The following MROH9 variants were observed in gnomAD, a reference collection of about 807,000 sequenced individuals.
The protein encoded by MROH9 is maestro heat like repeat family member 9.
MROH9 carries 92 observed loss-of-function variants against 98.2 expected under a neutral mutation model. The ratio of observed to expected loss-of-function variants is 0.94; its 90% confidence interval spans 0.79 to 1.11. The LOEUF (loss-of-function observed/expected upper bound fraction) is 1.11, where lower values mean the gene tolerates loss of function less well. Ranked by LOEUF, MROH9 falls within the 50% of genes most tolerant of loss-of-function variation. MROH9 has a pLI of 0.00. For synonymous variants in MROH9, 397 were observed against 368.9 expected (o/e 1.08, Z -0.87); for missense variants, 1,057 against 1,014.8 (o/e 1.04, Z -0.57).
At chr1:171,062,356 G>A (rs1025684402) in intron 21 of MROH9, among the ~76,000 whole-genome samples, 162 bp downstream of exon 21, 1 of 152,108 alleles carries the variant, frequency 6.6e-6, no homozygotes, top group Non-Finnish European at 1.5e-5. Flanking sequence ...TGAAAGGACT[G>A]GGTTAAGAGG....
chr1:170,984,043 T>C (rs1651033303), intron 9 of MROH9, among the ~76,000 whole-genome samples: 1 of 152,230 alleles, frequency 6.6e-6, no homozygotes, highest in South Asian at 2.1e-4. Flanking sequence ...TCTCGACCCT[T>C]GGGAGAACTG....
intron 1 of MROH9, among the ~76,000 whole-genome samples, chr1:170,936,612 C>G (rs1487823878): frequency 6.6e-6 from 1 of 152,168 alleles, no homozygotes; most frequent in African/African-American, 2.4e-5. Context: ...ATTAACTAAC[C>G]ATAATGAGTT....
chr1:171,019,696 A>G (rs1202169087), intron 17 of MROH9, among the ~76,000 whole-genome samples: 2 of 152,060 alleles, frequency 1.3e-5, no homozygotes, highest in Non-Finnish European at 2.9e-5. Flanking sequence ...CCCTAACATC[A>G]CAATTAAAAG....
At position 171,038,320 on chromosome 1, in the gene MROH9, T is replaced by C. The variant is rs1571159297; in HGVS notation, c.2281+12900T>C. Among the ~76,000 whole-genome samples, 4 of 152,272 alleles carry C rather than the reference T, an allele frequency of 2.6e-5. No individual in the cohort carries two copies. In the South Asian group the frequency reaches 8.3e-4, roughly 32 times the overall value. On this transcript the variant is annotated intron_variant, in intron 20 of 21. Coordinates refer to ENST00000367759, the MANE Select transcript of MROH9 (RefSeq NM_001163629.2). ...GTGATGCAAACAATGTTTCTATCCATTGAGTTGACAAAGATGCAAAGTTTT... is the reference window on the plus strand; with the variant it reads ...GTGATGCAAACAATGTTTCTATCCACTGAGTTGACAAAGATGCAAAGTTTT...
chr1:171,026,159 T>C lies in MROH9; in HGVS notation c.2281+739T>C, dbSNP rs549249914. 3.9e-5 allele frequency among the ~76,000 whole-genome samples: 6 copies of C among 152,094 alleles called. No homozygotes were observed. In the East Asian group the frequency reaches 9.7e-4, roughly 25 times the overall value. ...TTATGATCAGCACTAAAGCCCACGATCTGTGTTAATCAGAGAGGAGGGGCA... is the reference window on the plus strand; with the variant it reads ...TTATGATCAGCACTAAAGCCCACGACCTGTGTTAATCAGAGAGGAGGGGCA... On this transcript the variant is annotated intron_variant, in intron 20 of 21. Coordinates refer to ENST00000367759, the MANE Select transcript of MROH9 (RefSeq NM_001163629.2).
chr1:170,962,407 C>T (rs972096960), intron 6 of MROH9, among the ~76,000 whole-genome samples: 1 of 152,082 alleles, frequency 6.6e-6, no homozygotes, highest in African/African-American at 2.4e-5. Flanking sequence ...TACTACTGTA[C>T]CTAAAGAAGG....
chr1:170,975,979 C>T (rs1269362954), intron 8 of MROH9, among the ~76,000 whole-genome samples: 2 of 152,092 alleles, frequency 1.3e-5, no homozygotes, highest in African/African-American at 4.8e-5. Flanking sequence ...CAACCCCAGC[C>T]TTTTTCTGTT....
rs934464445 is a variant in MROH9 at position 170,935,917 on chromosome 1, G to C, written c.-38+330G>C. Among the ~76,000 whole-genome samples, 15 of 145,416 alleles carry C rather than the reference G, an allele frequency of 1.0e-4. No homozygotes were observed. In the East Asian group the frequency reaches 3.0e-3, roughly 29 times the overall value. ...TGAGGCAGGAGAATCACTTGAACTC[G>C]GGAGGTGGAGGTTGCAGTGAGCCGA... On this transcript the variant is annotated intron_variant, in intron 1 of 21. Transcript: ENST00000367759.
At chr1:170,937,545 G>A (rs1469119735) in intron 1 of MROH9, among the ~76,000 whole-genome samples, 13 of 132,994 alleles carry the variant, frequency 9.8e-5, no homozygotes, top group Admixed American at 6.2e-4. Context: ...TTTTTGAGAC[G>A]GAGTCTCGCT....
intron 3 of MROH9, among the ~76,000 whole-genome samples, chr1:170,951,669 C>T (rs1192950395): frequency 6.6e-6 from 1 of 152,100 alleles, no homozygotes; most frequent in Non-Finnish European, 1.5e-5. Flanking sequence ...TGAAGATTAT[C>T]AAGGTGCGTG....
At chr1:170,991,430 C>T (rs1439221695) in intron 11 of MROH9, among the ~76,000 whole-genome samples, 1 of 152,092 alleles carries the variant, frequency 6.6e-6, no homozygotes, top group East Asian at 1.9e-4. Context: ...TCCAAGGGAT[C>T]AGGCACCTAT....
chr1:171,043,984 G>T (rs1293888668), intron 20 of MROH9, among the ~76,000 whole-genome samples: 1 of 152,060 alleles, frequency 6.6e-6, no homozygotes, highest in African/African-American at 2.4e-5. Flanking sequence ...GATTGCTCTA[G>T]CTAGGACTTC....
chr1:170,979,486 C>A (rs972564380), intron 8 of MROH9, among the ~76,000 whole-genome samples: 4 of 152,126 alleles, frequency 2.6e-5, no homozygotes, highest in African/African-American at 4.8e-5. Flanking sequence ...GGCAGAAAAA[C>A]AACTTTGATC....
chr1:170,994,244 C>T (rs1222108208), intron 12 of MROH9, among the ~76,000 whole-genome samples: 2 of 152,126 alleles, frequency 1.3e-5, no homozygotes, highest in African/African-American at 4.8e-5. Flanking sequence ...TTAGGTTGTC[C>T]ACCAAGGGAT....
intron 15 of MROH9, among the ~76,000 whole-genome samples, chr1:171,004,498 A>T (rs1163274793): frequency 6.6e-6 from 1 of 151,992 alleles, no homozygotes; most frequent in Non-Finnish European, 1.5e-5. Flanking sequence ...AAAGTCATAA[A>T]CTTCTCTGGC....
intron 14 of MROH9, among the ~76,000 whole-genome samples, chr1:170,997,547 G>A (rs929019447): frequency 3.3e-5 from 5 of 152,156 alleles, no homozygotes; most frequent in Admixed American, 6.5e-5. Context: ...AGTTTGAGAA[G>A]CACTGGTTTG....
intron 15 of MROH9, 45 bp downstream of exon 15, chr1:170,998,319 C>G (rs1254834956): frequency 6.2e-7 from 1 of 1,613,104 alleles, no homozygotes; most frequent in South Asian, 1.1e-5. Context: ...ATTTCCTTTT[C>G]TTACCCAAAT....
At chr1:170,963,397 C>T (rs919068870) in intron 6 of MROH9, among the ~76,000 whole-genome samples, 26 of 152,068 alleles carry the variant, frequency 1.7e-4, no homozygotes, top group African/African-American at 5.6e-4. Context: ...TAAATTAGTA[C>T]AACCATTGTA....
At chr1:170,972,829 TAC>T (rs3980699) in intron 8 of MROH9, among the ~76,000 whole-genome samples, 33,675 of 127,970 alleles carry the variant, frequency 0.26, 4,427 homozygotes, top group South Asian at 0.4. Flanking sequence ...AAAAAAAAAA[TAC>T]ACACACACAC....
Sources: allele counts gnomAD v4.1 joint callset (sites outside exome capture counted in the v4.1 genomes callset), GRCh38; gene constraint gnomAD v4.1.1; transcripts MANE v1.5; gene names NCBI Gene and HGNC (gene_info 2026-07-23, HGNC 2026-07-21).